The following PTRH1 variants were observed in gnomAD, a reference collection of about 807,000 sequenced individuals.
PTRH1 encodes the protein peptidyl-tRNA hydrolase 1 homolog, also known as peptidyl-tRNA hydrolase.
PTRH1 carries 13 observed loss-of-function variants against 15.7 expected under a neutral mutation model. The observed-to-expected ratio is 0.83, with a 90% CI of 0.54 to 1.31. PTRH1 has a LOEUF of 1.31. Ranked by LOEUF, PTRH1 falls within the 40% of genes most tolerant of loss-of-function variation. PTRH1 has a pLI of 0.00. For missense variants in PTRH1, 319 were observed against 296.2 expected (o/e 1.08, Z -0.56); for synonymous variants, 139 against 136.7 (o/e 1.02, Z -0.12).
chr9:127,703,908 T>C (rs946718233), intron 1 of PTRH1, among the ~76,000 whole-genome samples: 36 of 152,134 alleles, frequency 2.4e-4, no homozygotes, highest in African/African-American at 8.7e-4. Context: ...CTCTCTGCTG[T>C]ACCTGCTTGC....
intron 1 of PTRH1, among the ~76,000 whole-genome samples, chr9:127,699,089 C>T (rs780391983): frequency 3.3e-5 from 5 of 152,142 alleles, no homozygotes; most frequent in Non-Finnish European, 5.9e-5. Context: ...ACCATGTTTG[C>T]CAGACTGGTC....
downstream of PTRH1, chr9:127,709,748 G>A: frequency 1.3e-6 from 2 of 1,563,592 alleles, no homozygotes; most frequent in African/African-American, 1.4e-5. The surrounding 1 kb of genome is among the most constrained non-coding windows in gnomAD (Gnocchi z 4.7). Flanking sequence ...CTCTATCACT[G>A]ACCCTGTTTC....
intron 1 of PTRH1, among the ~76,000 whole-genome samples, chr9:127,704,992 C>T (rs1842631884): frequency 6.6e-6 from 1 of 152,018 alleles, no homozygotes; most frequent in Non-Finnish European, 1.5e-5. Flanking sequence ...AAGTGATCCT[C>T]CCACCTTGGC....
Position 127,715,583 on chromosome 9 carries a change from TC to T in PTRH1, c.56del (p.Arg19HisfsTer77). 1 of 1,613,322 alleles carries T rather than the reference TC, an allele frequency of 6.2e-7. No individual in the cohort carries two copies. The highest frequency in any genetic ancestry group is 8.5e-7 in the Non-Finnish European group (1 of 1,179,998). ...AGQRLSRAMS[R>X]CVLEPRPPGK... ...CCGGGGGGCGAGGCTCCAAAACACA[TC>T]GGCTCATGGCTCTACTCAGCCGCTG... On this transcript the variant is annotated frameshift_variant, in exon 1 of 5. Transcript: ENST00000543175. LOFTEE classifies it high-confidence loss of function. The surrounding 1 kb of genome is among the most constrained non-coding windows in gnomAD (Gnocchi z 5.8).
At chr9:127,713,699 G>A (rs1342260730), downstream of PTRH1, 1 of 653,454 alleles carries the variant, frequency 1.5e-6, no homozygotes, top group Admixed American at 2.2e-5. Context: ...TAGAGACAGG[G>A]TTTCACCATG....
At chr9:127,706,383 CAG>C (rs1277756083) in intron 1 of PTRH1, among the ~76,000 whole-genome samples, 1 of 152,190 alleles carries the variant, frequency 6.6e-6, no homozygotes, top group East Asian at 1.9e-4. Context: ...TGGCTATTGT[CAG>C]AGTTTTTCAG....
intron 1 of PTRH1, among the ~76,000 whole-genome samples, chr9:127,698,388 T>A (rs1564361920): frequency 6.6e-6 from 1 of 152,116 alleles, no homozygotes; most frequent in Non-Finnish European, 1.5e-5. Flanking sequence ...GAATGGCTAC[T>A]AGAAAAACGA....
At chr9:127,712,290 C>G (rs1475456570), downstream of PTRH1, 2 of 1,613,904 alleles carry the variant, frequency 1.2e-6, no homozygotes, top group Admixed American at 1.7e-5. Flanking sequence ...GCAGAAGGTT[C>G]GGGCCAGCCT....
rs367957409 is a variant in PTRH1, at chr9:127,715,648, C to A, written c.-9G>T. The A allele has an allele frequency of 1.4e-5, 23 of 1,610,272 alleles. No homozygotes were observed. The highest frequency in any genetic ancestry group is 1.6e-4 in the Middle Eastern group (1 of 6,078). ...AAGCCGCCCGGCCTCATGCTGCCCC[C>A]ATTCACTCCGACACCGCCCCCTGAC... On this transcript the variant is annotated 5_prime_UTR_variant, in exon 1 of 5. An upstream start codon of the reference 5' UTR is lost. Transcript: ENST00000543175. The surrounding 1 kb of genome is among the most constrained non-coding windows in gnomAD (Gnocchi z 5.8).
chr9:127,704,505 CAAAAAAA>C (rs374789277), intron 1 of PTRH1, among the ~76,000 whole-genome samples: 5 of 50,462 alleles, frequency 9.9e-5, no homozygotes, highest in South Asian at 6.7e-4. Context: ...GACACTGTCT[CAAAAAAA>C]AAAAAAAAAA....
chr9:127,712,922 G>C (rs1182720270), downstream of PTRH1: 2 of 1,591,694 alleles, frequency 1.3e-6, no homozygotes, highest in Non-Finnish European at 1.7e-6. Context: ...ACAGAGAGCA[G>C]GGCAAAGGCA....
rs536672580 is a variant in PTRH1, at chr9:127,701,293, C to T, written c.206-6152G>A. 1.3e-4 allele frequency among the ~76,000 whole-genome samples: 20 copies of T among 152,218 alleles called. No individual in the cohort carries two copies. The East Asian group carries it at 2.9e-3, about 22-fold the overall frequency. On this transcript the variant is annotated intron_variant, in intron 1 of 2. Transcript: ENST00000335223. ...AATCATGTGATTTTTTTCAAGTTAACGTATCATAGTACCAAATCACAGGTG... is the reference window on the plus strand; with the variant it reads ...AATCATGTGATTTTTTTCAAGTTAATGTATCATAGTACCAAATCACAGGTG...
chr9:127,704,326 G>A (rs1265403306), intron 1 of PTRH1, among the ~76,000 whole-genome samples: 1 of 151,904 alleles, frequency 6.6e-6, no homozygotes, highest in Non-Finnish European at 1.5e-5. Flanking sequence ...GCAACACGAT[G>A]AAACTCCGTC....
downstream of PTRH1, chr9:127,712,397 G>A (rs373600639): frequency 1.7e-5 from 27 of 1,601,326 alleles, no homozygotes; most frequent in East Asian, 2.2e-5. Flanking sequence ...GGGAGTGAGC[G>A]CAAGATGGAA....
intron 1 of PTRH1, among the ~76,000 whole-genome samples, chr9:127,696,793 C>CT (rs1842564516): frequency 6.6e-6 from 1 of 152,044 alleles, no homozygotes; most frequent in Non-Finnish European, 1.5e-5. Context: ...CCCCGGGAGG[C>CT]AGAGGTTGCA....
chr9:127,699,153 A>G (rs1278935266), intron 1 of PTRH1, among the ~76,000 whole-genome samples: 1 of 152,182 alleles, frequency 6.6e-6, no homozygotes, highest in Non-Finnish European at 1.5e-5. Flanking sequence ...AAGTGCTGGC[A>G]TTATAGGTGT....
At position 127,715,605 on chromosome 9, in the gene PTRH1, CGCTGTCCGGCGCCCAAAAA is replaced by C. The variant is rs1422574325; in HGVS notation, c.16_34del (p.Phe6GlyfsTer2). On this transcript the variant is annotated frameshift_variant, in exon 1 of 5. Coordinates refer to ENST00000543175, the MANE Select transcript of PTRH1 (RefSeq NM_001002913.3). LOFTEE classifies it high-confidence loss of function. This position sits in a 1 kb window ranked among gnomAD's most constrained non-coding sequence, Gnocchi z 5.8. Reference sequence around the variant, plus strand: ...ACATCGGCTCATGGCTCTACTCAGCCGCTGTCCGGCGCCCAAAAAGCCGCCCGGCCTCATGCTGCCCCCA... The same window carrying C: ...ACATCGGCTCATGGCTCTACTCAGCCGCCGCCCGGCCTCATGCTGCCCCCA... The C allele has an allele frequency of 3.7e-6, 6 of 1,612,952 alleles. No homozygotes were observed. The Admixed American group carries it at 6.7e-5, about 18-fold the overall frequency.
At chr9:127,709,390 AC>A, downstream of PTRH1, 1 of 1,603,394 alleles carries the variant, frequency 6.2e-7, no homozygotes, top group South Asian at 1.1e-5. The surrounding 1 kb of genome is among the most constrained non-coding windows in gnomAD (Gnocchi z 4.7). Context: ...GCCCAGCCTG[AC>A]CCCTGGACCA....
chr9:127,699,998 C>A (rs142036389), intron 1 of PTRH1, among the ~76,000 whole-genome samples: 1 of 151,868 alleles, frequency 6.6e-6, no homozygotes, highest in Non-Finnish European at 1.5e-5. Context: ...CTGGCCAACA[C>A]GGTGAAACCC....
Sources: gnomAD v4.1 joint callset for allele counts (sites outside exome capture counted in the v4.1 genomes callset) on GRCh38, gnomAD v4.1.1 for gene constraint, Gnocchi (gnomAD v3.1) non-coding constraint, MANE v1.5 for transcripts, NCBI Gene and HGNC (gene_info 2026-07-23, HGNC 2026-07-21) for gene names.